Variants in POM121 observed in about 807,000 individuals in gnomAD.
The protein encoded by POM121 is nuclear envelope pore membrane protein POM 121.
In POM121, 32 loss-of-function variants were observed where a neutral mutation model predicts 81.3. The observed-to-expected ratio is 0.39, with a 90% CI of 0.30 to 0.53. The LOEUF is 0.53. POM121 is among the 20% of genes least tolerant of loss of function. The pLI, the probability that POM121 is intolerant of heterozygous loss-of-function variation, is 0.66. For missense variants in POM121, 1,138 were observed against 1,614.6 expected (o/e 0.70, Z 5.06); for synonymous variants, 514 against 694.2 (o/e 0.74, Z 4.08).
In POM121 at chr7:72,946,543, A is replaced by T; in HGVS notation, c.*309A>T. 1.8e-6 allele frequency: 2 copies of T among 1,128,280 alleles called. No individual in the cohort carries two copies. The highest frequency in any genetic ancestry group is 2.2e-6 in the Non-Finnish European group (2 of 919,766). 69.9% of individuals were successfully genotyped at this position (1,128,280 alleles called of 1,614,324 possible). ...TCCGCTGCCCTGACTCCCGCTTAGC[A>T]CACCCTTAGGCAGGCGCCCCTTCCA... is the stretch of plus-strand genomic sequence containing the variant. On this transcript the variant is annotated 3_prime_UTR_variant, in exon 13 of 13. Transcript: ENST00000434423.
upstream of POM121, among the ~76,000 whole-genome samples, chr7:72,923,412 CCTTTATCA>C (rs1554496369): frequency 6.6e-6 from 1 of 152,098 alleles, no homozygotes; most frequent in Admixed American, 6.6e-5. Flanking sequence ...TCTACCTTCC[CCTTTATCA>C]TAACTTTTTT....
At chr7:72,921,642 A>T (rs1364168256), upstream of POM121, among the ~76,000 whole-genome samples, 1 of 152,186 alleles carries the variant, frequency 6.6e-6, no homozygotes, top group Non-Finnish European at 1.5e-5. Context: ...GTACTGTTTT[A>T]TATATCCACA....
intron 3 of POM121, among the ~76,000 whole-genome samples, chr7:72,900,088 A>G (rs1792446277): frequency 6.6e-6 from 1 of 152,196 alleles, no homozygotes; most frequent in Non-Finnish European, 1.5e-5. Flanking sequence ...GCCCTGTAGA[A>G]TTATTTTTTA....
chr7:72,925,142 G>T lies in POM121; in HGVS notation c.21G>T (p.Ala7=). 1 of 1,450,292 alleles carries T rather than the reference G, an allele frequency of 6.9e-7. No individual in the cohort carries two copies. Among genetic ancestry groups the T allele is most frequent in the East Asian group, 2.9e-5 (1 of 34,514 alleles). The allele number at this position is 1,450,292 out of a possible 1,614,324, so 89.8% of individuals were successfully genotyped here. A position where few individuals can be genotyped will look rare whatever the true frequency, so the allele number is the denominator to read the frequency against. The part of the protein sequence containing the change: MSPAAA[A]AGAGERRRPI... ...CCGCGATGTCTCCGGCGGCTGCGGC[G>T]GCTGGAGCAGGCGAGCGGCGGCGGC... is the stretch of plus-strand genomic sequence containing the variant. Residue 7 remains alanine (A), a synonymous_variant, in exon 1 of 13, where the codon GCG becomes GCT. Transcript: ENST00000434423.
intron 4 of POM121, among the ~76,000 whole-genome samples, chr7:72,914,225 G>A (rs1349197426): frequency 2.6e-5 from 4 of 152,188 alleles, no homozygotes; most frequent in Admixed American, 6.5e-5. Context: ...AGTCCTGGCT[G>A]ACAGCCAGTA....
At chr7:72,894,636 AG>A (rs1791703923) in intron 3 of POM121, among the ~76,000 whole-genome samples, 2 of 102,236 alleles carry the variant, frequency 2.0e-5, no homozygotes, top group East Asian at 4.8e-4. Flanking sequence ...GGAGAGAGAG[AG>A]AGAGAGAGAG....
chr7:72,925,327 T>C lies in POM121; in HGVS notation c.206T>C (p.Leu69Pro). 6.5e-7 allele frequency: 1 copy of C among 1,534,448 alleles called. No homozygotes were observed. The highest frequency in any genetic ancestry group is 8.7e-7 in the Non-Finnish European group (1 of 1,146,620). The change falls in exon 1 of 13, where the codon CTG becomes CCG. Residue 69 changes from leucine to proline, a missense_variant. Leu to Pro is a moderately conservative substitution (Grantham distance 98, BLOSUM62 -3). Transcript: ENST00000434423. Reference sequence around the variant, plus strand: ...GGGGCTACCGCGGCCTGGTGGGGACTGAGCCGCGAGCCCCGAGGTTCGCGC... The same window carrying C: ...GGGGCTACCGCGGCCTGGTGGGGACCGAGCCGCGAGCCCCGAGGTTCGCGC... ...TVGATAAWWG[L>P]SREPRGSRPL... is the part of the protein sequence containing the mutation.
At chr7:72,889,232 A>G (rs182329886) in intron 1 of POM121, among the ~76,000 whole-genome samples, 2 of 152,336 alleles carry the variant, frequency 1.3e-5, no homozygotes, top group Admixed American at 6.5e-5. Flanking sequence ...CTGCCTGTGG[A>G]TAAGCTTGGA....
intron 3 of POM121, among the ~76,000 whole-genome samples, chr7:72,904,658 C>A (rs1554493135): frequency 6.6e-6 from 1 of 152,178 alleles, no homozygotes; most frequent in African/African-American, 2.4e-5. Context: ...AGTTTTCCTA[C>A]CATTTTGAAG....
upstream of POM121, among the ~76,000 whole-genome samples, chr7:72,923,724 C>A (rs1795061158): frequency 6.7e-6 from 1 of 148,486 alleles, no homozygotes; most frequent in Non-Finnish European, 1.5e-5. Context: ...CTCAGCCTCC[C>A]AAGTAGCTGG....
downstream of POM121, chr7:72,949,129 C>T (rs781961858): frequency 2.7e-6 from 4 of 1,455,716 alleles, no homozygotes; most frequent in East Asian, 4.5e-5. Flanking sequence ...CTCGGTTACA[C>T]AGCTTCACAG....
At chr7:72,934,716 TTTGTTG>T (rs1200321513) in intron 5 of POM121, among the ~76,000 whole-genome samples, 1 of 152,244 alleles carries the variant, frequency 6.6e-6, no homozygotes, top group Admixed American at 6.5e-5. Flanking sequence ...GTTGGTGGTT[TTTGTTG>T]TTGTTGTTGT....
chr7:72,943,828 A>G (rs1393753071), intron 11 of POM121, among the ~76,000 whole-genome samples: 7 of 152,228 alleles, frequency 4.6e-5, no homozygotes, highest in Admixed American at 3.9e-4. Flanking sequence ...ACTTGAGGCC[A>G]GGAGTTCAAG....
intron 3 of POM121, among the ~76,000 whole-genome samples, chr7:72,902,352 T>C (rs1409124366): frequency 1.4e-5 from 2 of 146,606 alleles, no homozygotes; most frequent in Non-Finnish European, 3.0e-5. Flanking sequence ...AACCTCTGCC[T>C]CCTGGGTTCA....
chr7:72,883,809 T>G (rs1221660045), intron 1 of POM121, among the ~76,000 whole-genome samples: 3 of 152,122 alleles, frequency 2.0e-5, no homozygotes, highest in African/African-American at 7.2e-5. Context: ...CTATTGACTG[T>G]TGATTATTGC....
intron 1 of POM121, among the ~76,000 whole-genome samples, chr7:72,886,920 G>C (rs535295986): frequency 6.6e-6 from 1 of 150,764 alleles, no homozygotes; most frequent in South Asian, 2.1e-4. Context: ...TGAACTTCTT[G>C]GATCTTGGGT....
intron 4 of POM121, among the ~76,000 whole-genome samples, chr7:72,918,878 A>T (rs1554495497): frequency 6.6e-6 from 1 of 150,834 alleles, no homozygotes; most frequent in African/African-American, 2.4e-5. Flanking sequence ...GCTCACTGCA[A>T]CCTCCACCTT....
intron 5 of POM121, among the ~76,000 whole-genome samples, chr7:72,930,431 C>T (rs1306115487): frequency 6.6e-6 from 1 of 152,148 alleles, no homozygotes; most frequent in African/African-American, 2.4e-5. Context: ...TATAGGCCAG[C>T]GGAATGGAGT....
chr7:72,942,182 C>T lies in POM121; in HGVS notation c.2189C>T (p.Pro730Leu). 1 of 1,610,292 alleles carries T rather than the reference C, an allele frequency of 6.2e-7. No individual in the cohort carries two copies. The highest frequency in any genetic ancestry group is 1.1e-5 in the South Asian group (1 of 90,900). The change falls in exon 11 of 13, where the codon CCC (proline) becomes CTC (leucine). Residue 730 changes from proline (P) to leucine (L), a missense_variant. Pro to Leu is a moderately conservative substitution (Grantham distance 98, BLOSUM62 -3). Transcript: ENST00000434423. ...TCTTCAGCACCTCCCATGTTCAAGC[C>T]CATTTTCACGGCTCCACCCAAGAGT... ...AASSAPPMFK[P>L]IFTAPPKSEK...
Sources: allele counts gnomAD v4.1 joint callset (sites outside exome capture counted in the v4.1 genomes callset), GRCh38; gene constraint gnomAD v4.1.1; transcripts MANE v1.5; gene names NCBI Gene and HGNC (gene_info 2026-07-23, HGNC 2026-07-21).